SHISA6: variants seen among roughly 807,000 people sequenced by gnomAD.
SHISA6 encodes shisa family member 6, also known as protein shisa-6.
In SHISA6, 22 loss-of-function variants were observed where a neutral mutation model predicts 47.9. The observed-to-expected ratio is 0.46, with a 90% CI of 0.33 to 0.66. SHISA6 has a LOEUF of 0.66. Ranked by LOEUF, SHISA6 falls within the 30% of genes least tolerant of loss-of-function variation. SHISA6 has a pLI of 0.02. For synonymous variants in SHISA6, 388 were observed against 337.8 expected (o/e 1.15, Z -1.63); for missense variants, 680 against 764.6 (o/e 0.89, Z 1.30).
At chr17:11,502,269 C>T (rs1389989147) in intron 3 of SHISA6, among the ~76,000 whole-genome samples, 1 of 151,348 alleles carries the variant, frequency 6.6e-6, no homozygotes, top group Non-Finnish European at 1.5e-5. Flanking sequence ...ATTAGCCGGG[C>T]GTGGTAGCGG....
intron 3 of SHISA6, among the ~76,000 whole-genome samples, chr17:11,464,681 G>A (rs1175326456): frequency 6.6e-6 from 1 of 152,180 alleles, no homozygotes; most frequent in Non-Finnish European, 1.5e-5. Context: ...GGTGGCTCAC[G>A]CCTGTAATCC....
intron 3 of SHISA6, among the ~76,000 whole-genome samples, chr17:11,439,874 T>C (rs539450063): frequency 1.3e-5 from 2 of 152,264 alleles, no homozygotes; most frequent in South Asian, 4.1e-4. Context: ...TCTTTTCGTG[T>C]TTTTTGTCCC....
intron 3 of SHISA6, among the ~76,000 whole-genome samples, chr17:11,400,357 TTAACA>T (rs2142263537): frequency 6.6e-6 from 1 of 152,336 alleles, no homozygotes; most frequent in Non-Finnish European, 1.5e-5. Context: ...TGAAAAGTCA[TTAACA>T]TTGTTTTTCT....
At chr17:11,372,929 T>G (rs986493903) in intron 2 of SHISA6, among the ~76,000 whole-genome samples, 2 of 152,120 alleles carry the variant, frequency 1.3e-5, no homozygotes, top group Non-Finnish European at 2.9e-5. Flanking sequence ...CAAGCTACTT[T>G]CGGTTTTATT....
Position 11,241,469 on chromosome 17 carries a change from C to A in SHISA6, c.47C>A (p.Ser16Tyr). The change falls in exon 1 of 6, where the codon TCC becomes TAC. Residue 16 changes from serine (S) to tyrosine (Y), a missense_variant. Physicochemically the swap from Ser to Tyr is moderately radical, Grantham distance 144. Transcript: ENST00000441885. This position sits in a 1 kb window ranked among gnomAD's most constrained non-coding sequence, Gnocchi z 5.5. The stretch of plus-strand genomic sequence containing the variant: ...CTGCTGCTGCTGCTCTCGCTGGAGT[C>A]CCTGGACCTGCTGCCCAGCGTCCAC... ...LLLLLLLSLE[S>Y]LDLLPSVHGA... The A allele has an allele frequency of 8.3e-7, 1 of 1,197,728 alleles. No homozygotes were observed. The highest frequency in any genetic ancestry group is 1.1e-6 in the Non-Finnish European group (1 of 949,872). 74.2% of individuals were successfully genotyped at this position (1,197,728 alleles called of 1,614,324 possible).
intron 1 of SHISA6, among the ~76,000 whole-genome samples, chr17:11,254,726 C>G (rs146190496): frequency 6.6e-6 from 1 of 152,328 alleles, no homozygotes; most frequent in Non-Finnish European, 1.5e-5. Flanking sequence ...CCTGGAGTAA[C>G]TCAGAAGGAG....
chr17:11,404,216 CAT>C (rs1421961373), intron 3 of SHISA6, among the ~76,000 whole-genome samples: 2 of 152,192 alleles, frequency 1.3e-5, no homozygotes, highest in African/African-American at 4.8e-5. Flanking sequence ...AGAAAAATAA[CAT>C]ATTTTTATTT....
chr17:11,498,282 C>T (rs1294335065), intron 3 of SHISA6, among the ~76,000 whole-genome samples: 1 of 152,194 alleles, frequency 6.6e-6, no homozygotes, highest in Non-Finnish European at 1.5e-5. Context: ...CCTCCTCCTC[C>T]ATCCCCAAAC....
rs1437145867 is a variant in SHISA6, at chr17:11,272,351, C to A, written c.799+8825C>A. ...CCTTATCTCCCAGGCTCCCGCGTGG[C>A]TCTCACTTCCCTGGCTCCCTGCCCG... On this transcript the variant is annotated intron_variant, in intron 2 of 5. Coordinates refer to ENST00000441885, the MANE Select transcript of SHISA6 (RefSeq NM_207386.4). Among the ~76,000 whole-genome samples the A allele has an allele frequency of 2.0e-5, 3 of 152,284 alleles. No individual in the cohort carries two copies. In the East Asian group the frequency reaches 5.8e-4, roughly 29 times the overall value.
intron 2 of SHISA6, among the ~76,000 whole-genome samples, chr17:11,310,602 G>C (rs770298568): frequency 2.0e-5 from 3 of 152,180 alleles, no homozygotes; most frequent in Non-Finnish European, 2.9e-5. Context: ...GAAAGCTCTG[G>C]ACTTTATTCT....
intron 2 of SHISA6, among the ~76,000 whole-genome samples, chr17:11,374,055 A>G (rs900743586): frequency 4.6e-5 from 7 of 152,212 alleles, no homozygotes; most frequent in African/African-American, 7.2e-5. Flanking sequence ...TATTCATGTC[A>G]GTAGGCTCAG....
intron 2 of SHISA6, among the ~76,000 whole-genome samples, chr17:11,304,079 G>A (rs1910021668): frequency 6.6e-6 from 1 of 152,208 alleles, no homozygotes; most frequent in Non-Finnish European, 1.5e-5. Flanking sequence ...TAGGATAGAA[G>A]CCCTTTCCTG....
intron 2 of SHISA6, among the ~76,000 whole-genome samples, chr17:11,320,348 G>T (rs1006561886): frequency 6.6e-6 from 1 of 152,052 alleles, no homozygotes. Context: ...TGCATGGGGG[G>T]TGGGGCTGGT....
At chr17:11,375,109 G>A (rs1363195180) in intron 2 of SHISA6, among the ~76,000 whole-genome samples, 1 of 152,042 alleles carries the variant, frequency 6.6e-6, no homozygotes, top group East Asian at 1.9e-4. Context: ...TTTCACCAGG[G>A]TATATCTAGA....
chr17:11,494,459 C>T (rs2071391588), intron 3 of SHISA6, among the ~76,000 whole-genome samples: 1 of 152,182 alleles, frequency 6.6e-6, no homozygotes, highest in Admixed American at 6.5e-5. Context: ...ATGTCCTCCG[C>T]AGTGCACCTC....
intron 3 of SHISA6, among the ~76,000 whole-genome samples, chr17:11,436,204 T>G (rs1254197315): frequency 5.3e-5 from 8 of 152,318 alleles, no homozygotes; most frequent in South Asian, 2.1e-4. Flanking sequence ...GAAGGTCATG[T>G]GGGCACGCAG....
intron 2 of SHISA6, among the ~76,000 whole-genome samples, chr17:11,327,672 CT>C (rs1236909727): frequency 6.6e-6 from 1 of 152,168 alleles, no homozygotes; most frequent in African/African-American, 2.4e-5. Flanking sequence ...TGGTGGGTGC[CT>C]GTAATCCCAG....
intron 2 of SHISA6, among the ~76,000 whole-genome samples, chr17:11,346,424 T>C (rs1911701203): frequency 6.6e-6 from 1 of 152,222 alleles, no homozygotes; most frequent in Non-Finnish European, 1.5e-5. Context: ...TTTGCCTCTC[T>C]GAAATTGTTT....
chr17:11,429,345 G>C (rs1360658195), intron 3 of SHISA6, among the ~76,000 whole-genome samples: 1 of 152,134 alleles, frequency 6.6e-6, no homozygotes. Context: ...CATCACTTTT[G>C]CAAGTCACAA....
Sources: allele counts gnomAD v4.1 joint callset (sites outside exome capture counted in the v4.1 genomes callset), GRCh38; gene constraint gnomAD v4.1.1; non-coding constraint Gnocchi (gnomAD v3.1); transcripts MANE v1.5; gene names NCBI Gene and HGNC (gene_info 2026-07-23, HGNC 2026-07-21).